SGSM1: variants seen among roughly 807,000 people sequenced by gnomAD.
SGSM1 encodes small G protein signaling modulator 1, also known as RUN and TBC1 domain containing 2.
A neutral mutation model predicts 133.8 loss-of-function variants in SGSM1; 73 were observed. That is an observed-to-expected ratio of 0.55 (90% confidence interval 0.45 to 0.66). The LOEUF (loss-of-function observed/expected upper bound fraction) is 0.66. Among genes scored for constraint, SGSM1 ranks in the 30% least tolerant of loss-of-function variants. The probability of loss-of-function intolerance (pLI) is 0.00; values close to 1 mark genes in which losing one functional copy is unlikely to be tolerated. For synonymous variants in SGSM1, 563 were observed against 573.0 expected (o/e 0.98, Z 0.25); for missense variants, 1,213 against 1,448.1 (o/e 0.84, Z 2.64).
At chr22:24,861,862 T>A (rs1460391035) in intron 9 of SGSM1, among the ~76,000 whole-genome samples, 1 of 151,286 alleles carries the variant, frequency 6.6e-6, no homozygotes, top group African/African-American at 2.4e-5. Context: ...TGGAGATGGT[T>A]TCTCGTTTTG....
At chr22:24,830,750 G>A (rs1569137543) in intron 2 of SGSM1, among the ~76,000 whole-genome samples, 1 of 63,156 alleles carries the variant, frequency 1.6e-5, no homozygotes, top group East Asian at 3.2e-4. Context: ...GAGAATCACC[G>A]GGAGGGCTTG....
chr22:24,868,899 G>A (rs1931615184), intron 12 of SGSM1, 44 bp downstream of exon 12: 2 of 1,597,766 alleles, frequency 1.3e-6, no homozygotes, highest in Non-Finnish European at 1.7e-6. Flanking sequence ...CCTGCTAACT[G>A]ATCCTGAAAA....
rs1932617189 is a variant in SGSM1 at position 24,886,619 on chromosome 22, T to A, written c.1661T>A (p.Leu554Gln). The A allele has an allele frequency of 6.4e-7, 1 of 1,553,008 alleles. No individual in the cohort carries two copies. ...HDSTSYEEQE[L>Q]LRLIYYGGIQ... ...CCACAGAGTTACGAGGAGCAGGAGC[T>A]GCTGCGCCTCATCTACTACGGGGGC... is the stretch of plus-strand genomic sequence containing the variant. The change falls in exon 16 of 25, where the codon CTG (leucine) becomes CAG (glutamine). Residue 554 changes from leucine to glutamine, a missense_variant. Physicochemically the swap from Leu to Gln is moderately radical, Grantham distance 113 (BLOSUM62 -2). Coordinates refer to ENST00000400358, the MANE Select transcript of SGSM1 (RefSeq NM_001098497.3).
chr22:24,854,001 G>A lies in SGSM1; in HGVS notation c.456-995G>A, dbSNP rs117357735. 2.4e-4 allele frequency among the ~76,000 whole-genome samples: 37 copies of A among 152,162 alleles called. No individual in the cohort carries two copies. In the East Asian group the frequency reaches 6.2e-3, roughly 25 times the overall value. ...ACCCCTGATAAACCCATCATATCTCGTGAGACTTAGTCACTATCACAAGAA... is the reference window on the plus strand; with the variant it reads ...ACCCCTGATAAACCCATCATATCTCATGAGACTTAGTCACTATCACAAGAA... On this transcript the variant is annotated intron_variant, in intron 5 of 24. Coordinates refer to ENST00000400358, the MANE Select transcript of SGSM1 (RefSeq NM_001098497.3).
At chr22:24,857,917 C>A (rs1930901864) in intron 8 of SGSM1, among the ~76,000 whole-genome samples, 1 of 152,170 alleles carries the variant, frequency 6.6e-6, no homozygotes, top group African/African-American at 2.4e-5. Flanking sequence ...GGTCCCTGAT[C>A]CAGGAGCACA....
Position 24,893,555 on chromosome 22 carries a change from C to T in SGSM1, c.1895C>T (p.Ala632Val). The T allele has an allele frequency of 6.2e-7, 1 of 1,602,902 alleles. No homozygotes were observed. Among genetic ancestry groups the T allele is most frequent in the African/African-American group, 1.3e-5 (1 of 74,842 alleles). Residue 632 changes from alanine to valine, a missense_variant, in exon 17 of 25, where the codon GCC becomes GTC. Ala to Val is a moderately conservative substitution (Grantham distance 64). Coordinates refer to ENST00000400358, the MANE Select transcript of SGSM1 (RefSeq NM_001098497.3). Reference protein sequence around the residue: ...AAALAKCSSGASLDSHLHRML... With the variant: ...AAALAKCSSGVSLDSHLHRML... ...GCCCTGGCCAAATGCTCATCCGGGG[C>T]CAGCTTGGACAGCCACCTGCACCGG... is the stretch of plus-strand genomic sequence containing the variant.
In SGSM1 at chr22:24,884,041, C is replaced by T; in HGVS notation, c.1496-12C>T. ...TGGTGGATGATGACACTTTCCCTCC[C>T]TCCCTCAACAGGGCTGGCCTACTGC... is the stretch of plus-strand genomic sequence containing the variant. On this transcript the variant is annotated splice_polypyrimidine_tract_variant and intron_variant, in intron 14 of 24. Transcript: ENST00000400358. 1 of 1,595,112 alleles carries T rather than the reference C, an allele frequency of 6.3e-7. No homozygotes were observed.
intron 14 of SGSM1, among the ~76,000 whole-genome samples, chr22:24,881,694 A>ATCATCATCATCCTCCTCCTCC (rs1569161092): frequency 2.6e-5 from 4 of 152,180 alleles, no homozygotes; most frequent in Non-Finnish European, 4.4e-5. Flanking sequence ...TATCATCGTC[A>ATCATCATCATCCTCCTCCTCC]TCATCATCAT....
At chr22:24,859,941 C>T in intron 9 of SGSM1, 101 bp downstream of exon 9, 1 of 1,489,012 alleles carries the variant, frequency 6.7e-7, no homozygotes, top group African/African-American at 1.4e-5. Flanking sequence ...CCCGCCCCTG[C>T]TTCTGCCCCC....
At chr22:24,911,802 C>T (rs888951064) in intron 21 of SGSM1, among the ~76,000 whole-genome samples, 2 of 152,184 alleles carry the variant, frequency 1.3e-5, no homozygotes, top group Non-Finnish European at 2.9e-5. Context: ...CGCCTTTAAT[C>T]CCAGCACTTT....
Position 24,898,345 on chromosome 22 carries a change from C to T in SGSM1, c.2396C>T (p.Thr799Met), listed in dbSNP as rs376575281. The change falls in exon 19 of 25, where the codon ACG becomes ATG. Residue 799 changes from threonine to methionine, a missense_variant. Transcript: ENST00000400358. ...AGCATGGACGAGTTCATGTCCATCA[C>T]GGGCAGCCTGGACATGGCCCTGCCT... ...NESMDEFMSI[T>M]GSLDMALPEK... 31 of 1,613,722 alleles carry T rather than the reference C, an allele frequency of 1.9e-5. No homozygotes were observed. The highest frequency in any genetic ancestry group is 2.5e-5 in the Non-Finnish European group (29 of 1,179,862).
intron 9 of SGSM1, among the ~76,000 whole-genome samples, chr22:24,860,922 A>AAAT (rs1555926666): frequency 2.4e-3 from 89 of 37,598 alleles, no homozygotes; most frequent in African/African-American, 0.013. Flanking sequence ...AAAAAAAAAA[A>AAAT]ATATATATAT....
At chr22:24,822,910 A>G (rs1381994771) in intron 2 of SGSM1, among the ~76,000 whole-genome samples, 1 of 152,234 alleles carries the variant, frequency 6.6e-6, no homozygotes, top group East Asian at 1.9e-4. Context: ...AATAATAACA[A>G]TGACACCTAC....
chr22:24,875,551 A>T (rs1234113149), intron 12 of SGSM1, among the ~76,000 whole-genome samples: 1 of 152,010 alleles, frequency 6.6e-6, no homozygotes, highest in Non-Finnish European at 1.5e-5. Flanking sequence ...AAGATAAAAG[A>T]ATGGCGTGAA....
rs200838790 is a variant in SGSM1, at chr22:24,845,932, TTTC to T, written c.139+963_139+965del. On this transcript the variant is annotated intron_variant, in intron 3 of 24. Coordinates refer to ENST00000400358, the MANE Select transcript of SGSM1 (RefSeq NM_001098497.3). ...AATTGACTTTGGGCAAGATCTTTCT[TTTC>T]TTTTCTTTTCTTTCTTTCTTTCTTT... Among the ~76,000 whole-genome samples, 920 of 146,492 alleles carry T rather than the reference TTTC, an allele frequency of 6.3e-3. 16 individuals carry two copies. The highest frequency in any genetic ancestry group is 0.02 in the African/African-American group (779 of 39,338).
intron 3 of SGSM1, among the ~76,000 whole-genome samples, chr22:24,846,849 T>G: frequency 6.6e-6 from 1 of 151,920 alleles, no homozygotes; most frequent in African/African-American, 2.4e-5. Flanking sequence ...TTTTGGGGTT[T>G]TTTTTTTTTG....
At chr22:24,831,825 G>A (rs1388365433) in intron 2 of SGSM1, among the ~76,000 whole-genome samples, 2 of 152,190 alleles carry the variant, frequency 1.3e-5, no homozygotes, top group Non-Finnish European at 2.9e-5. Flanking sequence ...AGTCCCCAAC[G>A]CCCCAACCTA....
At chr22:24,850,920 AC>A (rs1228288049) in intron 5 of SGSM1, among the ~76,000 whole-genome samples, 11 of 151,752 alleles carry the variant, frequency 7.2e-5, no homozygotes, top group African/African-American at 2.7e-4. Context: ...ATGCGGTGAA[AC>A]CCCGTCTCTA....
Position 24,825,554 on chromosome 22 carries a change from C to T in SGSM1, c.63+19070C>T, listed in dbSNP as rs369168893. Among the ~76,000 whole-genome samples the T allele has an allele frequency of 1.0e-3, 155 of 152,260 alleles. 2 individuals carry two copies. The South Asian group carries it at 0.021, about 21-fold the overall frequency. ...ACACGATTCTCCTGTCTCAGTCTCC[C>T]TAGTAGCTGGGATTACAGGCATGTG... On this transcript the variant is annotated intron_variant, in intron 2 of 24. Transcript: ENST00000400358.
Sources: gnomAD v4.1 joint callset for allele counts (sites outside exome capture counted in the v4.1 genomes callset) on GRCh38, gnomAD v4.1.1 for gene constraint, MANE v1.5 for transcripts, NCBI Gene and HGNC (gene_info 2026-07-23, HGNC 2026-07-21) for gene names.